The following ROBO1 variants were observed in gnomAD, a reference collection of about 807,000 sequenced individuals.
The protein encoded by ROBO1 is roundabout guidance receptor 1.
In ROBO1, 149 loss-of-function variants were observed where a neutral mutation model predicts 195.9. The ratio of observed to expected loss-of-function variants is 0.76; its 90% confidence interval spans 0.67 to 0.87. The LOEUF is 0.87. Ranked by LOEUF, ROBO1 falls within the 40% of genes least tolerant of loss-of-function variation. ROBO1 has a pLI of 0.00. For missense variants in ROBO1, 1,933 were observed against 2,068.3 expected (o/e 0.93, Z 1.27); for synonymous variants, 816 against 733.2 (o/e 1.11, Z -1.82).
chr3:79,556,062 C>A (rs1942688284), intron 2 of ROBO1, among the ~76,000 whole-genome samples: 1 of 151,990 alleles, frequency 6.6e-6, no homozygotes, highest in South Asian at 2.1e-4. Flanking sequence ...TATAAATTTA[C>A]TTTTATAAAA....
intron 2 of ROBO1, among the ~76,000 whole-genome samples, chr3:79,238,990 C>T (rs1449037148): frequency 6.6e-6 from 1 of 152,130 alleles, no homozygotes; most frequent in Non-Finnish European, 1.5e-5. Context: ...TGTCACTTGC[C>T]TTAAAGATAA....
chr3:79,325,455 T>A (rs1239025444), intron 2 of ROBO1, among the ~76,000 whole-genome samples: 1 of 152,138 alleles, frequency 6.6e-6, no homozygotes, highest in Non-Finnish European at 1.5e-5. Context: ...GGTAAAGCAA[T>A]ATTTTCTCAT....
intron 2 of ROBO1, among the ~76,000 whole-genome samples, chr3:79,208,687 ATGTGTGTGTGTGTGTG>A (rs59970776): frequency 6.9e-6 from 1 of 145,214 alleles, no homozygotes; most frequent in Non-Finnish European, 1.5e-5. Context: ...GTGGTGGGGC[ATGTGTGTGTGTGTGTG>A]TGTGTGTGTG....
At chr3:79,704,129 C>A (rs1947698556) in intron 1 of ROBO1, among the ~76,000 whole-genome samples, 1 of 151,890 alleles carries the variant, frequency 6.6e-6, no homozygotes, top group Admixed American at 6.6e-5. Context: ...ATCTCCTATA[C>A]CCACTGTACA....
chr3:79,109,230 A>G (rs982346457), intron 3 of ROBO1, among the ~76,000 whole-genome samples: 3 of 151,868 alleles, frequency 2.0e-5, no homozygotes, highest in Non-Finnish European at 4.4e-5. Context: ...GTTATATAGT[A>G]GCTTTAAAAA....
intron 2 of ROBO1, among the ~76,000 whole-genome samples, chr3:79,292,823 T>C (rs1338339432): frequency 6.6e-6 from 1 of 152,220 alleles, no homozygotes; most frequent in Non-Finnish European, 1.5e-5. Context: ...TCCAGGATAT[T>C]GGGCTGAAAT....
chr3:79,652,562 C>T (rs949352977), intron 1 of ROBO1, among the ~76,000 whole-genome samples: 1 of 152,008 alleles, frequency 6.6e-6, no homozygotes, highest in Non-Finnish European at 1.5e-5. Flanking sequence ...CACAGGATTT[C>T]TATAAAGCCT....
chr3:78,824,254 G>A (rs990750246), intron 4 of ROBO1, among the ~76,000 whole-genome samples: 3 of 152,136 alleles, frequency 2.0e-5, no homozygotes, highest in African/African-American at 7.2e-5. Flanking sequence ...GGTTAGTGCA[G>A]AAGTAATTGA....
At chr3:79,412,655 C>G (rs2037821330) in intron 2 of ROBO1, among the ~76,000 whole-genome samples, 1 of 152,196 alleles carries the variant, frequency 6.6e-6, no homozygotes, top group Middle Eastern at 3.4e-3. Flanking sequence ...ATCTTTCTTA[C>G]TTAGCTTGTA....
At chr3:78,985,454 G>A (rs1256473112) in intron 3 of ROBO1, among the ~76,000 whole-genome samples, 4 of 152,066 alleles carry the variant, frequency 2.6e-5, no homozygotes, top group Non-Finnish European at 5.9e-5. Flanking sequence ...CATTTTCAAG[G>A]AGTCAAAAGT....
intron 3 of ROBO1, among the ~76,000 whole-genome samples, chr3:79,021,028 A>G (rs2078090366): frequency 6.6e-6 from 1 of 152,202 alleles, no homozygotes; most frequent in Non-Finnish European, 1.5e-5. Context: ...TGGTGCAACC[A>G]ACGACCTTAG....
At chr3:79,363,769 C>T (rs1402735089) in intron 2 of ROBO1, among the ~76,000 whole-genome samples, 1 of 152,204 alleles carries the variant, frequency 6.6e-6, no homozygotes, top group African/African-American at 2.4e-5. Flanking sequence ...GACACATTTA[C>T]TTTCATATTC....
intron 2 of ROBO1, among the ~76,000 whole-genome samples, chr3:79,262,123 A>G (rs1173047300): frequency 6.6e-6 from 1 of 152,098 alleles, no homozygotes; most frequent in East Asian, 1.9e-4. Context: ...AACAAAGTAA[A>G]ACAAAAGAAA....
intron 1 of ROBO1, among the ~76,000 whole-genome samples, chr3:79,726,578 G>A (rs902955313): frequency 6.6e-6 from 1 of 152,014 alleles, no homozygotes; most frequent in Non-Finnish European, 1.5e-5. Context: ...ATTTTATTGT[G>A]TACTTATTCC....
At chr3:79,248,881 T>C (rs984082063) in intron 2 of ROBO1, among the ~76,000 whole-genome samples, 3 of 152,120 alleles carry the variant, frequency 2.0e-5, no homozygotes, top group Non-Finnish European at 4.4e-5. Flanking sequence ...AGTATTCTGT[T>C]CCATTCACTG....
chr3:79,486,833 C>T lies in ROBO1; in HGVS notation c.88+102991G>A, dbSNP rs866975931. Among the ~76,000 whole-genome samples, 6 of 152,068 alleles carry T rather than the reference C, an allele frequency of 3.9e-5. No homozygotes were observed. The South Asian group carries it at 1.2e-3, about 32-fold the overall frequency. ...TGCTCTCTGCCCTCTCCCTATCTGC[C>T]CAAAAGTAAGACAAAATTTACAGAG... On this transcript the variant is annotated intron_variant, in intron 2 of 30. Transcript: ENST00000464233.
chr3:79,499,437 A>C (rs1270681011), intron 2 of ROBO1, among the ~76,000 whole-genome samples: 1 of 152,238 alleles, frequency 6.6e-6, no homozygotes, highest in African/African-American at 2.4e-5. Flanking sequence ...ATAATACATA[A>C]GACAATTAGT....
intron 5 of ROBO1, among the ~76,000 whole-genome samples, chr3:78,726,479 CA>C (rs778215136): frequency 1.3e-5 from 2 of 151,844 alleles, no homozygotes; most frequent in Non-Finnish European, 2.9e-5. Flanking sequence ...ATTATTTTTT[CA>C]GAAAAAAACT....
intron 2 of ROBO1, among the ~76,000 whole-genome samples, chr3:79,246,293 T>C (rs899098014): frequency 3.9e-5 from 6 of 152,118 alleles, no homozygotes; most frequent in Non-Finnish European, 8.8e-5. Flanking sequence ...ATTAATATCA[T>C]CCCAGTCTAC....
Sources: gnomAD v4.1 joint callset for allele counts (sites outside exome capture counted in the v4.1 genomes callset) on GRCh38, gnomAD v4.1.1 for gene constraint, MANE v1.5 for transcripts, NCBI Gene and HGNC (gene_info 2026-07-23, HGNC 2026-07-21) for gene names.